The following RB1CC1 variants were observed in gnomAD, a reference collection of about 807,000 sequenced individuals.
The protein encoded by RB1CC1 is RB1 inducible coiled-coil 1.
Under a neutral mutation model 177.5 loss-of-function variants are expected in RB1CC1, and 46 were observed. The ratio of observed to expected loss-of-function variants is 0.26; its 90% CI spans 0.20 to 0.33. The LOEUF is 0.33. RB1CC1 is among the 10% of genes least tolerant of loss of function. The pLI, the probability that RB1CC1 is intolerant of heterozygous loss-of-function variation, is 1.00. For missense variants in RB1CC1, 1,703 were observed against 1,816.3 expected, an observed-to-expected ratio of 0.94 and a Z score of 1.13; for synonymous variants, 666 against 613.6, an observed-to-expected ratio of 1.09 and a Z score of -1.26.
rs1244718792 is a variant in RB1CC1, at chr8:52,667,618, A to G, written c.1173+403T>C. Among the ~76,000 whole-genome samples, 5 of 152,206 alleles carry G rather than the reference A, an allele frequency of 3.3e-5. No homozygotes were observed. In the East Asian group the frequency reaches 9.6e-4, roughly 29 times the overall value. ...TTCTAGGATTATGGCATTAAATCAG[A>G]TCTAAAACCTAGGTATTACTATTAG... On this transcript the variant is annotated intron_variant, in intron 8 of 23. Transcript: ENST00000025008.
Position 52,624,724 on chromosome 8 carries a change from G to A in RB1CC1, c.4700C>T (p.Ala1567Val). ...ACATGATGTCGTTTTTACCTTTTTG[G>A]CTTGACAGTATTCTTTTTCCATTAC... is the stretch of plus-strand genomic sequence containing the variant. ...GKVMEKEYCQAKKAQNRFKVP... is the reference protein window; with the variant it reads ...GKVMEKEYCQVKKAQNRFKVP... The change falls in exon 23 of 24, where the codon GCC becomes GTC. Residue 1567 changes from alanine (A) to valine (V), a missense_variant. This residue lies in a region of RB1CC1 where 70 missense variants were observed against 118.0 expected (regional missense o/e 0.59). Transcript: ENST00000025008. 1 of 1,593,786 alleles carries A rather than the reference G, an allele frequency of 6.3e-7. No homozygotes were observed. The highest frequency in any genetic ancestry group is 8.6e-7 in the Non-Finnish European group (1 of 1,163,708).
At chr8:52,681,994 G>A (rs960158348) in intron 5 of RB1CC1, among the ~76,000 whole-genome samples, 1 of 152,098 alleles carries the variant, frequency 6.6e-6, no homozygotes, top group Admixed American at 6.5e-5. Context: ...CTGAGAAGAG[G>A]GTCACGGTCC....
chr8:52,693,883 CAT>C (rs1377835119), intron 1 of RB1CC1, among the ~76,000 whole-genome samples: 2 of 152,150 alleles, frequency 1.3e-5, no homozygotes, highest in Non-Finnish European at 2.9e-5. Context: ...CACCATGGCA[CAT>C]GTTTACCTAT....
intron 23 of RB1CC1, among the ~76,000 whole-genome samples, chr8:52,624,463 C>T (rs4242480): frequency 0.78 from 117,586 of 151,320 alleles, 46,110 homozygotes; most frequent in African/African-American, 0.89. Context: ...ACTAGCAACC[C>T]AACAGTCATA....
Position 52,674,069 on chromosome 8 carries a change from T to C in RB1CC1, c.778A>G (p.Lys260Glu), listed in dbSNP as rs1852848964. Residue 260 changes from lysine to glutamate, a missense_variant, in exon 7 of 24, where the codon AAG (lysine) becomes GAG (glutamate). Physicochemically the swap from Lys to Glu is moderately conservative, Grantham distance 56. Coordinates refer to ENST00000025008, the MANE Select transcript of RB1CC1 (RefSeq NM_014781.5). ...TNESLLTSFP[K>E]SVEHVSPDTA... ...TCTGGGGACACATGTTCCACTGACT[T>C]GGGAAATGAGGTTAACAAAGATTCG... 2 of 1,614,140 alleles carry C rather than the reference T, an allele frequency of 1.2e-6. No individual in the cohort carries two copies. The highest frequency in any genetic ancestry group is 1.7e-6 in the Non-Finnish European group (2 of 1,179,990).
At chr8:52,687,107 A>T in intron 1 of RB1CC1, 140 bp from the exon 2 acceptor site, 1 of 352,390 alleles carries the variant, frequency 2.8e-6, no homozygotes, top group African/African-American at 2.1e-5. Flanking sequence ...ATTCACTATA[A>T]TAACAACCAC....
At position 52,683,640 on chromosome 8, in the gene RB1CC1, G is replaced by A. The variant is rs757154137; in HGVS notation, c.278C>T (p.Ser93Leu). 21 of 1,611,940 alleles carry A rather than the reference G, an allele frequency of 1.3e-5. No individual in the cohort carries two copies. The highest frequency in any genetic ancestry group is 1.6e-5 in the Non-Finnish European group (19 of 1,179,094). Residue 93 changes from serine (S) to leucine (L), a missense_variant, in exon 5 of 24, where the codon TCG (serine) becomes TTG (leucine). Physicochemically the swap from Ser to Leu is moderately radical, Grantham distance 145. This residue lies in a region of RB1CC1 where 118 missense variants were observed against 121.2 expected (regional missense o/e 0.97). Coordinates refer to ENST00000025008, the MANE Select transcript of RB1CC1 (RefSeq NM_014781.5). ...TTTTATTTCCATGTCATTTTCTGTC[G>A]AAAAGGTAGTTTTAGGAATAGCAGG... Reference protein sequence around the residue: ...RPPAIPKTTFSTENDMEIKVE... With the variant: ...RPPAIPKTTFLTENDMEIKVE...
At chr8:52,662,425 T>C (rs912486120) in intron 8 of RB1CC1, among the ~76,000 whole-genome samples, 57 of 152,216 alleles carry the variant, frequency 3.7e-4, no homozygotes, top group African/African-American at 1.3e-3. Flanking sequence ...CCTTCATTTA[T>C]CTCTCAAGTA....
At chr8:52,654,731 A>G (rs374462820) in intron 15 of RB1CC1, among the ~76,000 whole-genome samples, 9 of 152,178 alleles carry the variant, frequency 5.9e-5, no homozygotes, top group African/African-American at 1.9e-4. Flanking sequence ...AACTCAGTTT[A>G]GAGAGTATCT....
intron 8 of RB1CC1, among the ~76,000 whole-genome samples, chr8:52,665,608 A>C (rs1852001827): frequency 1.3e-5 from 2 of 152,210 alleles, no homozygotes; most frequent in Admixed American, 1.3e-4. Flanking sequence ...TGGAAGTTAA[A>C]AAACAACTAC....
chr8:52,661,681 C>T lies in RB1CC1; in HGVS notation c.1212G>A (p.Lys404=). The T allele has an allele frequency of 5.0e-6, 8 of 1,601,118 alleles. No individual in the cohort carries two copies. The highest frequency in any genetic ancestry group is 2.2e-5 in the East Asian group (1 of 44,488). ...LANQKRAENL[K]DASVLPDLCL... ...ATAAATCAGGTAATACAGATGCATC[C>T]TTTAAGTTTTCAGCTCTCTTCTGAT... The change falls in exon 9 of 24, where the codon AAG becomes AAA. Residue 404 remains lysine, a synonymous_variant. Coordinates refer to ENST00000025008, the MANE Select transcript of RB1CC1 (RefSeq NM_014781.5).
At chr8:52,692,635 G>A (rs1445784025) in intron 1 of RB1CC1, among the ~76,000 whole-genome samples, 1 of 152,096 alleles carries the variant, frequency 6.6e-6, no homozygotes, top group Non-Finnish European at 1.5e-5. Flanking sequence ...GGGGAAAAAA[G>A]AACATGAACA....
At chr8:52,706,559 C>T (rs1856569453) in intron 1 of RB1CC1, among the ~76,000 whole-genome samples, 1 of 151,326 alleles carries the variant, frequency 6.6e-6, no homozygotes, top group Admixed American at 6.6e-5. Context: ...AGTGAAACCC[C>T]GTCTCTACTA....
At chr8:52,655,444 CAAT>C (rs1200360660) in intron 15 of RB1CC1, among the ~76,000 whole-genome samples, 1 of 151,866 alleles carries the variant, frequency 6.6e-6, no homozygotes, top group Non-Finnish European at 1.5e-5. Flanking sequence ...CAGACAGTAA[CAAT>C]AATAAACATG....
chr8:52,702,668 A>G (rs1181865585), intron 1 of RB1CC1, among the ~76,000 whole-genome samples: 1 of 152,166 alleles, frequency 6.6e-6, no homozygotes, highest in Non-Finnish European at 1.5e-5. Context: ...GTGAGCCGAG[A>G]GCATGCCACT....
At position 52,661,232 on chromosome 8, in the gene RB1CC1, G is replaced by C. The variant is rs1397830750; in HGVS notation, c.1408C>G (p.Gln470Glu). 1.2e-6 allele frequency: 2 copies of C among 1,613,784 alleles called. No individual in the cohort carries two copies. The highest frequency in any genetic ancestry group is 1.7e-6 in the Non-Finnish European group (2 of 1,179,846). The change falls in exon 10 of 24, where the codon CAA becomes GAA. Residue 470 changes from glutamine to glutamate, a missense_variant. By Grantham distance (29) the Gln-to-Glu change is conservative (BLOSUM62 2). Around this residue, in one of 6 missense-constraint regions of RB1CC1, gnomAD observed 1,169 missense variants for 1,184.7 expected, o/e 0.99. Transcript: ENST00000025008. ...LHADQDGEKL[Q>E]ALLRLVIELL... Reference sequence around the variant, plus strand: ...TCTATTACGAGGCGGAGCAAAGCTTGTAACTTCTCTCCATCTTGATCAGCA... The same window carrying C: ...TCTATTACGAGGCGGAGCAAAGCTTCTAACTTCTCTCCATCTTGATCAGCA...
intron 7 of RB1CC1, among the ~76,000 whole-genome samples, chr8:52,670,929 C>T (rs1852516382): frequency 1.3e-5 from 2 of 150,458 alleles, no homozygotes; most frequent in Non-Finnish European, 2.9e-5. Flanking sequence ...GCACGCCAGC[C>T]TGGGTGACAG....
intron 22 of RB1CC1, 131 bp downstream of exon 22, chr8:52,627,900 TA>T: frequency 1.4e-6 from 1 of 736,242 alleles, no homozygotes; most frequent in Non-Finnish European, 2.0e-6. Flanking sequence ...ACAGATTTTA[TA>T]AAAAAGCAGA....
At chr8:52,708,077 C>G (rs1266805941) in intron 1 of RB1CC1, among the ~76,000 whole-genome samples, 1 of 152,178 alleles carries the variant, frequency 6.6e-6, no homozygotes, top group Non-Finnish European at 1.5e-5. Context: ...CTCCAGCACT[C>G]AAGAACTTCA....
Sources: allele counts gnomAD v4.1 joint callset (sites outside exome capture counted in the v4.1 genomes callset), GRCh38; gene constraint gnomAD v4.1.1; regional missense constraint gnomAD v4.1.1; transcripts MANE v1.5; gene names NCBI Gene and HGNC (gene_info 2026-07-23, HGNC 2026-07-21).